NOD1: variants seen among roughly 807,000 people sequenced by gnomAD.
The protein encoded by NOD1 is nucleotide-binding oligomerization domain-containing protein 1.
In NOD1, 70 loss-of-function variants were observed where a neutral mutation model predicts 81.2. That is an observed-to-expected ratio of 0.86 (90% CI 0.71 to 1.05). NOD1 has a LOEUF of 1.05. NOD1 is among the 50% of genes least tolerant of loss of function. The probability of loss-of-function intolerance (pLI) is 0.00; values close to 1 mark genes in which losing one functional copy is unlikely to be tolerated. For synonymous variants in NOD1, 508 were observed against 526.9 expected, an observed-to-expected ratio of 0.96 and a Z score of 0.49; for missense variants, 1,233 against 1,228.0, an observed-to-expected ratio of 1.00 and a Z score of -0.06.
intron 9 of NOD1, among the ~76,000 whole-genome samples, chr7:30,439,385 G>A (rs1225593730): frequency 7.2e-6 from 1 of 138,546 alleles, no homozygotes; most frequent in East Asian, 2.1e-4. Context: ...GTGGGCGCAG[G>A]CCAGTGTGTG....
In NOD1 at chr7:30,452,695, C is replaced by A; in HGVS notation, c.722G>T (p.Cys241Phe). 1 of 1,613,928 alleles carries A rather than the reference C, an allele frequency of 6.2e-7. No homozygotes were observed. Among genetic ancestry groups the A allele is most frequent in the Non-Finnish European group, 8.5e-7 (1 of 1,180,046 alleles). ...FFHFRCRMFS[C>F]FKESDRLCLQ... is the part of the protein sequence containing the mutation. ...ACACAGCCTGTCACTTTCCTTGAAG[C>A]AGCTGAACATGCGGCAGCGAAAGTG... Residue 241 changes from cysteine to phenylalanine, a missense_variant, in exon 6 of 14, where the codon TGC becomes TTC. By Grantham distance (205) the Cys-to-Phe change is radical. Coordinates refer to ENST00000222823, the MANE Select transcript of NOD1 (RefSeq NM_006092.4).
chr7:30,477,681 AT>A (rs35530986), intron 1 of NOD1, among the ~76,000 whole-genome samples: 33,361 of 136,204 alleles, frequency 0.24, 4,234 homozygotes, highest in African/African-American at 0.36. Flanking sequence ...CGCCCGGTTA[AT>A]TTTTTTTTTT....
At chr7:30,435,092 CAG>C (rs1784268856) in intron 11 of NOD1, among the ~76,000 whole-genome samples, 1 of 151,992 alleles carries the variant, frequency 6.6e-6, no homozygotes, top group Admixed American at 6.6e-5. Flanking sequence ...ATTTATGATA[CAG>C]AGATGTAAAT....
chr7:30,478,576 C>A lies in NOD1; in HGVS notation c.-352+30G>T, dbSNP rs1182312776. 3 of 152,318 alleles carry A rather than the reference C, an allele frequency of 2.0e-5. No homozygotes were observed. The allele number at this position is 152,318 out of a possible 1,614,324, so 9.4% of individuals were successfully genotyped here. ...CCCAGGACCTCAGAAAGGGCCTGCC[C>A]CGCGCGAATCCCCAGTCGCTGGGAC... On this transcript the variant is annotated intron_variant, in intron 1 of 13. Transcript: ENST00000222823. The surrounding 1 kb of genome is among the most constrained non-coding windows in gnomAD (Gnocchi z 4.1).
chr7:30,425,697 G>T lies in NOD1; in HGVS notation c.2803C>A (p.Leu935Met), dbSNP rs1176997435. The stretch of plus-strand genomic sequence containing the variant: ...ACTTTGGCCTCCTCTGGTTTTATCA[G>T]GTTTCCATTTAGGCTGTTGAAAAGG... ...GITEICLNGN[L>M]IKPEEAKVYE... The change falls in exon 14 of 14, where the codon CTG becomes ATG. Residue 935 changes from leucine (L) to methionine (M), a missense_variant. Coordinates refer to ENST00000222823, the MANE Select transcript of NOD1 (RefSeq NM_006092.4). 6.2e-7 allele frequency: 1 copy of T among 1,613,102 alleles called. No individual in the cohort carries two copies. Among genetic ancestry groups the T allele is most frequent in the African/African-American group, 1.3e-5 (1 of 74,856 alleles).
At chr7:30,477,932 T>C (rs893738458) in intron 1 of NOD1, among the ~76,000 whole-genome samples, 2 of 152,214 alleles carry the variant, frequency 1.3e-5, no homozygotes, top group African/African-American at 4.8e-5. Flanking sequence ...TTTCCTAGAA[T>C]GCAGAGCTAA....
intron 13 of NOD1, among the ~76,000 whole-genome samples, chr7:30,429,011 C>T (rs769445514): frequency 6.6e-6 from 1 of 152,232 alleles, no homozygotes; most frequent in Non-Finnish European, 1.5e-5. Context: ...TCCTGGCCAA[C>T]ACAGTCATCT....
chr7:30,469,828 C>T (rs978543685), intron 1 of NOD1, among the ~76,000 whole-genome samples: 1 of 152,236 alleles, frequency 6.6e-6, no homozygotes, highest in Non-Finnish European at 1.5e-5. Context: ...CTCCTGGCTG[C>T]GAGACAGTTG....
intron 1 of NOD1, among the ~76,000 whole-genome samples, chr7:30,472,667 A>T (rs1788392618): frequency 6.6e-6 from 1 of 152,228 alleles, no homozygotes; most frequent in Non-Finnish European, 1.5e-5. Context: ...GTGGGGGTGG[A>T]GCCCCAATGA....
Position 30,425,467 on chromosome 7 carries a change from T to G in NOD1, c.*171A>C. 1 of 625,552 alleles carries G rather than the reference T, an allele frequency of 1.6e-6. No homozygotes were observed. The highest frequency in any genetic ancestry group is 1.9e-5 in the South Asian group (1 of 52,208). The allele number at this position is 625,552 out of a possible 1,614,324, so 38.8% of individuals were successfully genotyped here. ...GAATTGTAGCGGGTACTTAGGGAGT[T>G]TGCCGACCAGACCTTCTGCACAGGA... On this transcript the variant is annotated 3_prime_UTR_variant, in exon 14 of 14. Transcript: ENST00000222823.
intron 2 of NOD1, 113 bp downstream of exon 2, chr7:30,459,788 T>G (rs925978070): frequency 6.6e-6 from 1 of 152,594 alleles, no homozygotes; most frequent in Non-Finnish European, 1.5e-5. Flanking sequence ...ATTCAGCATT[T>G]TGCAATGCCA....
intron 11 of NOD1, among the ~76,000 whole-genome samples, chr7:30,435,434 G>A (rs576510387): frequency 8.5e-5 from 13 of 152,278 alleles, no homozygotes; most frequent in African/African-American, 2.9e-4. Flanking sequence ...CATGGCCAGC[G>A]TTCTAGTTCT....
At chr7:30,447,441 A>G (rs1261988223) in intron 7 of NOD1, 1 of 251,768 alleles carries the variant, frequency 4.0e-6, no homozygotes, top group African/African-American at 2.3e-5. Flanking sequence ...TTGAGAAGAA[A>G]AGATTCTGAA....
rs2128098252 is a variant in NOD1, at chr7:30,467,291, A to G, written c.-351-7250T>C. On this transcript the variant is annotated intron_variant, in intron 1 of 13. Transcript: ENST00000222823. This position sits in a 1 kb window ranked among gnomAD's most constrained non-coding sequence, Gnocchi z 4.5. ...GACACACGGTGTGAGAATGAAAATTACTTCTGGAAAGGGAGAGGACACCAG... is the reference window on the plus strand; with the variant it reads ...GACACACGGTGTGAGAATGAAAATTGCTTCTGGAAAGGGAGAGGACACCAG... 6.6e-6 allele frequency among the ~76,000 whole-genome samples: 1 copy of G among 152,308 alleles called. No individual in the cohort carries two copies. The highest frequency in any genetic ancestry group is 2.1e-4 in the South Asian group (1 of 4,830).
In NOD1 at chr7:30,446,274, A is replaced by G. The variant is rs144105242; in HGVS notation, c.2370-50T>C. The G allele has an allele frequency of 1.3e-4, 175 of 1,374,124 alleles. No homozygotes were observed. The African/African-American group carries it at 1.9e-3, about 15-fold the overall frequency. The allele number at this position is 1,374,124 out of a possible 1,614,324, so 85.1% of individuals were successfully genotyped here. On this transcript the variant is annotated intron_variant, in intron 8 of 13. Transcript: ENST00000222823. ...AGCCTCCAGCTATGCAGGGGCTCCAATGTGGGTCACCCTCCTCCCCAGCAC... is the reference window on the plus strand; with the variant it reads ...AGCCTCCAGCTATGCAGGGGCTCCAGTGTGGGTCACCCTCCTCCCCAGCAC...
At chr7:30,454,081 C>G (rs1786087185) in intron 5 of NOD1, among the ~76,000 whole-genome samples, 3 of 152,180 alleles carry the variant, frequency 2.0e-5, no homozygotes. Flanking sequence ...GAGTCAGAAG[C>G]TAGCAGTGGC....
intron 1 of NOD1, among the ~76,000 whole-genome samples, chr7:30,465,169 G>C (rs2128093713): frequency 6.6e-6 from 1 of 152,304 alleles, no homozygotes; most frequent in Middle Eastern, 3.4e-3. Flanking sequence ...AGACGTGTCT[G>C]CTCCCCTGCA....
At position 30,451,291 on chromosome 7, in the gene NOD1, T is replaced by G; in HGVS notation, c.2126A>C (p.Asp709Ala). 6.2e-7 allele frequency: 1 copy of G among 1,614,106 alleles called. No homozygotes were observed. The highest frequency in any genetic ancestry group is 8.5e-7 in the Non-Finnish European group (1 of 1,180,022). Residue 709 changes from aspartate to alanine, a missense_variant, in exon 6 of 14, where the codon GAC becomes GCC. Coordinates refer to ENST00000222823, the MANE Select transcript of NOD1 (RefSeq NM_006092.4). This position sits in a 1 kb window ranked among gnomAD's most constrained non-coding sequence, Gnocchi z 4.2. ...LHHFPKRLAL[D>A]LDNNNLNDYG... ...GTCGTTGAGATTGTTGTTGTCTAGG[T>G]CTAGGGCCAGCCGCTTGGGGAAGTG...
At chr7:30,430,825 G>A (rs1783887962) in intron 12 of NOD1, among the ~76,000 whole-genome samples, 1 of 152,210 alleles carries the variant, frequency 6.6e-6, no homozygotes, top group African/African-American at 2.4e-5. Flanking sequence ...TGGTGGCTGG[G>A]CTGCAGCCAG....
Sources: gnomAD v4.1 joint callset for allele counts (sites outside exome capture counted in the v4.1 genomes callset) on GRCh38, gnomAD v4.1.1 for gene constraint, Gnocchi (gnomAD v3.1) non-coding constraint, MANE v1.5 for transcripts, NCBI Gene and HGNC (gene_info 2026-07-23, HGNC 2026-07-21) for gene names.